Variants in PCDHGB5 observed in about 807,000 individuals in gnomAD.
The protein encoded by PCDHGB5 is protocadherin gamma subfamily B, 5.
In PCDHGB5, 48 loss-of-function variants were observed where a neutral mutation model predicts 62.9. That is an observed-to-expected ratio of 0.76 (90% CI 0.61 to 0.97). The LOEUF is 0.97. Ranked by LOEUF, PCDHGB5 falls within the 50% of genes least tolerant of loss-of-function variation. PCDHGB5 has a pLI of 0.00. For synonymous variants in PCDHGB5, 474 were observed against 511.2 expected (o/e 0.93, Z 0.98); for missense variants, 1,118 against 1,198.6 (o/e 0.93, Z 0.99).
intron 1 of PCDHGB5, among the ~76,000 whole-genome samples, chr5:141,474,412 C>A (rs1282336092): frequency 6.6e-6 from 1 of 152,220 alleles, no homozygotes; most frequent in Non-Finnish European, 1.5e-5. Flanking sequence ...CCGGTGATGC[C>A]TAGACCATTG....
Position 141,427,950 on chromosome 5 carries a change from A to C in PCDHGB5, c.2397+27426A>C, listed in dbSNP as rs773336611. The stretch of plus-strand genomic sequence containing the variant: ...CATGTTGGTGGGCGACCTCAATGAC[A>C]ATGTGCCGCGGGTGCTGTACCCCGC... On this transcript the variant is annotated intron_variant, in intron 1 of 3. Transcript: ENST00000617380. 7 of 1,586,816 alleles carry C rather than the reference A, an allele frequency of 4.4e-6. No individual in the cohort carries two copies. The African/African-American group carries it at 8.1e-5, about 18-fold the overall frequency.
chr5:141,487,831 A>T lies in PCDHGB5; in HGVS notation c.2398-6976A>T. 2 of 1,144,322 alleles carry T rather than the reference A, an allele frequency of 1.7e-6. No individual in the cohort carries two copies. Among genetic ancestry groups the T allele is most frequent in the Non-Finnish European group, 2.4e-6 (2 of 818,294 alleles). 70.9% of individuals were successfully genotyped at this position (1,144,322 alleles called of 1,614,324 possible). ...TTAGCATTGGGGGCGGGTCATGCCT[A>T]TATCTGAGTAAGAAATGAAAGTAAT... On this transcript the variant is annotated intron_variant, in intron 1 of 3. Transcript: ENST00000617380. The surrounding 1 kb of genome is among the most constrained non-coding windows in gnomAD (Gnocchi z 5.0).
rs780685517 is a variant in PCDHGB5 at position 141,489,548 on chromosome 5, T to C, written c.2398-5259T>C. 6.2e-7 allele frequency: 1 copy of C among 1,614,136 alleles called. No individual in the cohort carries two copies. Among genetic ancestry groups the C allele is most frequent in the South Asian group, 1.1e-5 (1 of 91,086 alleles). On this transcript the variant is annotated intron_variant, in intron 1 of 3. Coordinates refer to ENST00000617380, the MANE Select transcript of PCDHGB5 (RefSeq NM_018925.3). This position sits in a 1 kb window ranked among gnomAD's most constrained non-coding sequence, Gnocchi z 4.5. ...CTATGTGGAGCCAGCACCAGCTGCCTGCTGCCAGTGCAGGTGGTGACTGAA... is the reference window on the plus strand; with the variant it reads ...CTATGTGGAGCCAGCACCAGCTGCCCGCTGCCAGTGCAGGTGGTGACTGAA...
In PCDHGB5 at chr5:141,399,856, G is replaced by A. The variant is rs1391939612; in HGVS notation, c.1729G>A (p.Ala577Thr). Reference protein sequence around the residue: ...GSALFDMVPRAAEPGYLVTKV... With the variant: ...GSALFDMVPRTAEPGYLVTKV... The stretch of plus-strand genomic sequence containing the variant: ...TGCGCTCTTCGATATGGTGCCGCGC[G>A]CTGCAGAGCCCGGCTACCTGGTGAC... The change falls in exon 1 of 4, where the codon GCT becomes ACT. Residue 577 changes from alanine (A) to threonine (T), a missense_variant. Physicochemically the swap from Ala to Thr is moderately conservative, Grantham distance 58 (BLOSUM62 0). This residue lies in a region of PCDHGB5 where 1,034 missense variants were observed against 1,029.1 expected (regional missense o/e 1.00). Transcript: ENST00000617380. 1 of 1,612,894 alleles carries A rather than the reference G, an allele frequency of 6.2e-7. No individual in the cohort carries two copies. The highest frequency in any genetic ancestry group is 8.5e-7 in the Non-Finnish European group (1 of 1,179,806).
chr5:141,415,203 G>C (rs2095843560), intron 1 of PCDHGB5: 24 of 1,614,032 alleles, frequency 1.5e-5, no homozygotes, highest in Non-Finnish European at 2.0e-5. Flanking sequence ...CCCAAGTCCT[G>C]GCGGACCTCG....
In PCDHGB5 at chr5:141,485,027, G is replaced by A. The variant is rs1594439784; in HGVS notation, c.2398-9780G>A. ...AATCTACCCCGCCACCAGCAAAAAC[G>A]GCGCGTAACCCTTGCGGCGCCGGCC... is the stretch of plus-strand genomic sequence containing the variant. On this transcript the variant is annotated intron_variant, in intron 1 of 3. Coordinates refer to ENST00000617380, the MANE Select transcript of PCDHGB5 (RefSeq NM_018925.3). The surrounding 1 kb of genome is among the most constrained non-coding windows in gnomAD (Gnocchi z 5.7). 1.5e-6 allele frequency: 1 copy of A among 662,546 alleles called. No individual in the cohort carries two copies. Among genetic ancestry groups the A allele is most frequent in the South Asian group, 1.9e-5 (1 of 53,596 alleles). The allele number at this position is 662,546 out of a possible 1,614,324, so 41.0% of individuals were successfully genotyped here.
Position 141,431,755 on chromosome 5 carries a change from AGTCCT to A in PCDHGB5, c.2397+31233_2397+31237del. On this transcript the variant is annotated intron_variant, in intron 1 of 3. Coordinates refer to ENST00000617380, the MANE Select transcript of PCDHGB5 (RefSeq NM_018925.3). This position sits in a 1 kb window ranked among gnomAD's most constrained non-coding sequence, Gnocchi z 4.8. ...ATGCAGGATATTCTGCGCGAGCCAA[AGTCCT>A]GATCACTGTTCTGGACGTGAACGAC... 6.2e-7 allele frequency: 1 copy of A among 1,614,238 alleles called. No individual in the cohort carries two copies. Among genetic ancestry groups the A allele is most frequent in the Non-Finnish European group, 8.5e-7 (1 of 1,180,048 alleles).
chr5:141,492,602 C>G (rs1352851783), intron 1 of PCDHGB5, among the ~76,000 whole-genome samples: 2 of 152,222 alleles, frequency 1.3e-5, no homozygotes, highest in Non-Finnish European at 2.9e-5. Flanking sequence ...GAGCGACTGC[C>G]GCTCTAAGTG....
chr5:141,459,285 A>G (rs1316912878), intron 1 of PCDHGB5, among the ~76,000 whole-genome samples: 1 of 152,202 alleles, frequency 6.6e-6, no homozygotes, highest in Non-Finnish European at 1.5e-5. Context: ...TTTCATCTAA[A>G]TGGAATCCTA....
intron 1 of PCDHGB5, among the ~76,000 whole-genome samples, chr5:141,470,055 G>A (rs1432696943): frequency 1.3e-5 from 2 of 152,192 alleles, no homozygotes; most frequent in Non-Finnish European, 1.5e-5. Context: ...TTTGAACCCC[G>A]GAGGCAGAGA....
intron 2 of PCDHGB5, among the ~76,000 whole-genome samples, chr5:141,496,230 C>T (rs1336418553): frequency 2.6e-5 from 4 of 152,160 alleles, no homozygotes; most frequent in Admixed American, 2.0e-4. Flanking sequence ...AGACAGGAAC[C>T]CCCTGCGGGC....
chr5:141,487,826 T>C lies in PCDHGB5; in HGVS notation c.2398-6981T>C, dbSNP rs1321152837. 24 of 1,187,814 alleles carry C rather than the reference T, an allele frequency of 2.0e-5. No homozygotes were observed. The highest frequency in any genetic ancestry group is 2.8e-5 in the Non-Finnish European group (24 of 856,356). The allele number at this position is 1,187,814 out of a possible 1,614,324, so 73.6% of individuals were successfully genotyped here. On this transcript the variant is annotated intron_variant, in intron 1 of 3. Coordinates refer to ENST00000617380, the MANE Select transcript of PCDHGB5 (RefSeq NM_018925.3). The surrounding 1 kb of genome is among the most constrained non-coding windows in gnomAD (Gnocchi z 5.0). ...ACAGTTTAGCATTGGGGGCGGGTCA[T>C]GCCTATATCTGAGTAAGAAATGAAA... is the stretch of plus-strand genomic sequence containing the variant.
At position 141,489,585 on chromosome 5, in the gene PCDHGB5, G is replaced by A; in HGVS notation, c.2398-5222G>A. 3 of 1,614,090 alleles carry A rather than the reference G, an allele frequency of 1.9e-6. No individual in the cohort carries two copies. Among genetic ancestry groups the A allele is most frequent in the Non-Finnish European group, 2.5e-6 (3 of 1,180,004 alleles). The stretch of plus-strand genomic sequence containing the variant: ...AGGTGGTGACTGAACACCCCCTGGA[G>A]CTAATCCGTGTAGAGGTAGAGATCC... On this transcript the variant is annotated intron_variant, in intron 1 of 3. Coordinates refer to ENST00000617380, the MANE Select transcript of PCDHGB5 (RefSeq NM_018925.3). The surrounding 1 kb of genome is among the most constrained non-coding windows in gnomAD (Gnocchi z 4.5).
chr5:141,422,539 C>G, intron 1 of PCDHGB5: 1 of 1,613,994 alleles, frequency 6.2e-7, no homozygotes, highest in Non-Finnish European at 8.5e-7. Flanking sequence ...TGCAGAAACT[C>G]ATGTCTGGCT....
chr5:141,489,491 T>C lies in PCDHGB5; in HGVS notation c.2398-5316T>C. On this transcript the variant is annotated intron_variant, in intron 1 of 3. Transcript: ENST00000617380. This position sits in a 1 kb window ranked among gnomAD's most constrained non-coding sequence, Gnocchi z 4.5. ...TCCCTGAGCTTGATGAGTGGTGCCC[T>C]GGCAGTGAATCAAAAGATTGACCGA... The C allele has an allele frequency of 6.2e-7, 1 of 1,614,066 alleles. No individual in the cohort carries two copies. The highest frequency in any genetic ancestry group is 8.5e-7 in the Non-Finnish European group (1 of 1,180,024).
At chr5:141,444,188 T>TTTTTTTTTTG (rs2098424052) in intron 1 of PCDHGB5, among the ~76,000 whole-genome samples, 1 of 129,374 alleles carries the variant, frequency 7.7e-6, no homozygotes, top group African/African-American at 3.1e-5. Flanking sequence ...TTTTTTTTTT[T>TTTTTTTTTTG]GAGATGGAGT....
At position 141,491,796 on chromosome 5, in the gene PCDHGB5, C is replaced by T. The variant is rs1487915203; in HGVS notation, c.2398-3011C>T. The stretch of plus-strand genomic sequence containing the variant: ...GATTGAACTTGCATCCACTCCTCTC[C>T]GGCCGGCTTGGTCGCTGGCTGCGCT... On this transcript the variant is annotated intron_variant, in intron 1 of 3. Transcript: ENST00000617380. The surrounding 1 kb of genome is among the most constrained non-coding windows in gnomAD (Gnocchi z 6.9). 6.6e-7 allele frequency: 1 copy of T among 1,509,866 alleles called. No homozygotes were observed. The highest frequency in any genetic ancestry group is 2.4e-5 in the Admixed American group (1 of 42,218). The allele number at this position is 1,509,866 out of a possible 1,614,324, so 93.5% of individuals were successfully genotyped here. A position where few individuals can be genotyped will look rare whatever the true frequency, so the allele number is the denominator to read the frequency against.
At position 141,476,090 on chromosome 5, in the gene PCDHGB5, C is replaced by T; in HGVS notation, c.2398-18717C>T. On this transcript the variant is annotated intron_variant, in intron 1 of 3. Coordinates refer to ENST00000617380, the MANE Select transcript of PCDHGB5 (RefSeq NM_018925.3). The surrounding 1 kb of genome is among the most constrained non-coding windows in gnomAD (Gnocchi z 7.6). ...GAAATCTCAGGGACGATCTGGACCC[C>T]GCTGAGAGGAACTGCTTTTGAGTGA... 3 of 1,562,222 alleles carry T rather than the reference C, an allele frequency of 1.9e-6. No individual in the cohort carries two copies. Among genetic ancestry groups the T allele is most frequent in the African/African-American group, 1.4e-5 (1 of 73,764 alleles).
At chr5:141,423,563 C>G (rs745802952) in intron 1 of PCDHGB5, 3 of 1,613,550 alleles carry the variant, frequency 1.9e-6, no homozygotes, top group Admixed American at 1.7e-5. Flanking sequence ...TATGGGGACA[C>G]GCTCATCAGC....
Sources: gnomAD v4.1 joint callset for allele counts (sites outside exome capture counted in the v4.1 genomes callset) on GRCh38, gnomAD v4.1.1 for gene constraint, gnomAD v4.1.1 regional missense constraint, Gnocchi (gnomAD v3.1) non-coding constraint, MANE v1.5 for transcripts, NCBI Gene and HGNC (gene_info 2026-07-23, HGNC 2026-07-21) for gene names.